The following ADAMTSL3 variants were observed in gnomAD, a reference collection of about 807,000 sequenced individuals.
The protein encoded by ADAMTSL3 is ADAMTS like 3.
ADAMTSL3 carries 128 observed loss-of-function variants against 201.7 expected under a neutral mutation model. The ratio of observed to expected loss-of-function variants is 0.63; its 90% CI spans 0.55 to 0.73. ADAMTSL3 has a LOEUF of 0.73. Among genes scored for constraint, ADAMTSL3 ranks in the 30% least tolerant of loss-of-function variants. ADAMTSL3 has a pLI of 0.00. For missense variants in ADAMTSL3, 1,990 were observed against 2,119.6 expected, an observed-to-expected ratio of 0.94 and a Z score of 1.20; for synonymous variants, 738 against 748.4, an observed-to-expected ratio of 0.99 and a Z score of 0.23.
chr15:83,919,900 A>G (rs1019735428), intron 16 of ADAMTSL3, among the ~76,000 whole-genome samples: 9 of 152,264 alleles, frequency 5.9e-5, no homozygotes, highest in African/African-American at 2.2e-4. Context: ...ATATGAGAGT[A>G]GGTAGGTTTG....
intron 28 of ADAMTSL3, among the ~76,000 whole-genome samples, chr15:84,036,316 A>T (rs1026813773): frequency 6.6e-6 from 1 of 152,242 alleles, no homozygotes; most frequent in Admixed American, 6.5e-5. Flanking sequence ...TTCTTTTAGC[A>T]GACAAGGTTG....
At chr15:83,888,782 C>T (rs370583271) in intron 10 of ADAMTSL3, among the ~76,000 whole-genome samples, 94 of 152,290 alleles carry the variant, frequency 6.2e-4, no homozygotes, top group African/African-American at 2.0e-3. Context: ...CTTGCGGTTT[C>T]GACCTTGCTT....
At chr15:83,922,098 A>G (rs1266819741) in intron 16 of ADAMTSL3, among the ~76,000 whole-genome samples, 1 of 152,204 alleles carries the variant, frequency 6.6e-6, no homozygotes, top group East Asian at 1.9e-4. Flanking sequence ...AGATGAGGTA[A>G]ACTTATTTTT....
chr15:83,835,690 G>A (rs759140277), intron 6 of ADAMTSL3, among the ~76,000 whole-genome samples: 56 of 152,220 alleles, frequency 3.7e-4, no homozygotes, highest in Admixed American at 2.3e-3. Flanking sequence ...GGAGAAAGTT[G>A]CATGAACACA....
At chr15:83,669,141 A>G (rs1340086821) in intron 2 of ADAMTSL3, among the ~76,000 whole-genome samples, 1 of 151,934 alleles carries the variant, frequency 6.6e-6, no homozygotes, top group Admixed American at 6.6e-5. Context: ...GTGTTGGAGG[A>G]GTGAGTATTT....
chr15:83,856,126 A>G (rs1417771676), intron 7 of ADAMTSL3, among the ~76,000 whole-genome samples: 2 of 151,942 alleles, frequency 1.3e-5, no homozygotes, highest in Non-Finnish European at 2.9e-5. Flanking sequence ...CCTCCTTAAA[A>G]TGACTGATGC....
chr15:83,923,097 C>T (rs2066178090), intron 16 of ADAMTSL3, among the ~76,000 whole-genome samples: 1 of 152,008 alleles, frequency 6.6e-6, no homozygotes, highest in African/African-American at 2.4e-5. Flanking sequence ...CATATTTTCA[C>T]AAGGAGCAGT....
chr15:84,016,809 A>T (rs2068094826), intron 25 of ADAMTSL3, among the ~76,000 whole-genome samples: 1 of 152,214 alleles, frequency 6.6e-6, no homozygotes, highest in Non-Finnish European at 1.5e-5. Context: ...AAATATTAAT[A>T]GATATTAATA....
intron 7 of ADAMTSL3, among the ~76,000 whole-genome samples, chr15:83,851,290 T>C (rs2064607648): frequency 6.6e-6 from 1 of 152,172 alleles, no homozygotes; most frequent in Non-Finnish European, 1.5e-5. Context: ...CAGTGTGCTT[T>C]CTCTCCAAGA....
chr15:83,710,303 A>G (rs1896813), intron 3 of ADAMTSL3, among the ~76,000 whole-genome samples: 30,416 of 152,064 alleles, frequency 0.2, 3,978 homozygotes, highest in Middle Eastern at 0.36. Context: ...AGAGGATTTG[A>G]GATTTTTTTC....
At chr15:83,893,492 T>G (rs2065551316) in intron 13 of ADAMTSL3, among the ~76,000 whole-genome samples, 1 of 152,138 alleles carries the variant, frequency 6.6e-6, no homozygotes, top group Non-Finnish European at 1.5e-5. Flanking sequence ...ATTGGGAGAT[T>G]AAGTTGGAAA....
intron 7 of ADAMTSL3, among the ~76,000 whole-genome samples, chr15:83,852,680 G>T (rs1223501238): frequency 1.3e-5 from 2 of 151,916 alleles, no homozygotes; most frequent in African/African-American, 4.8e-5. Context: ...TTACTGATTT[G>T]TAAACACTCT....
chr15:83,864,923 A>T (rs977908745), intron 8 of ADAMTSL3, among the ~76,000 whole-genome samples: 2 of 152,216 alleles, frequency 1.3e-5, no homozygotes, highest in Non-Finnish European at 1.5e-5. Flanking sequence ...AAGTCTCAGG[A>T]TACAAAATCA....
At chr15:83,664,211 A>G (rs2061216770) in intron 2 of ADAMTSL3, among the ~76,000 whole-genome samples, 1 of 152,218 alleles carries the variant, frequency 6.6e-6, no homozygotes, top group Admixed American at 6.5e-5. Flanking sequence ...AACATTAAAA[A>G]TAAACACAAT....
At chr15:83,852,301 A>G (rs2064633115) in intron 7 of ADAMTSL3, among the ~76,000 whole-genome samples, 1 of 152,028 alleles carries the variant, frequency 6.6e-6, no homozygotes, top group Non-Finnish European at 1.5e-5. Flanking sequence ...TTTAGTAGAG[A>G]CAGGGTTTCA....
chr15:83,832,026 C>G (rs1028038658), intron 6 of ADAMTSL3, among the ~76,000 whole-genome samples: 2 of 152,048 alleles, frequency 1.3e-5, no homozygotes, highest in East Asian at 3.9e-4. Context: ...ACAGATTGCT[C>G]GTGGACAAGG....
intron 4 of ADAMTSL3, among the ~76,000 whole-genome samples, chr15:83,780,814 G>T (rs1358194463): frequency 6.6e-6 from 1 of 152,112 alleles, no homozygotes; most frequent in Non-Finnish European, 1.5e-5. Flanking sequence ...TACACCAACA[G>T]TCAAGCCAGG....
At chr15:83,904,166 A>C (rs2065790429) in intron 15 of ADAMTSL3, among the ~76,000 whole-genome samples, 2 of 151,574 alleles carry the variant, frequency 1.3e-5, no homozygotes, top group Non-Finnish European at 1.5e-5. Flanking sequence ...CCCTGGCCCA[A>C]GCAGCTGCCT....
At chr15:83,866,245 A>C (rs1046629456) in intron 8 of ADAMTSL3, among the ~76,000 whole-genome samples, 5 of 152,214 alleles carry the variant, frequency 3.3e-5, no homozygotes, top group African/African-American at 4.8e-5. Flanking sequence ...TTAACCCAGC[A>C]ATCCCATTAC....
Sources: gnomAD v4.1 joint callset for allele counts (sites outside exome capture counted in the v4.1 genomes callset) on GRCh38, gnomAD v4.1.1 for gene constraint, MANE v1.5 for transcripts, NCBI Gene and HGNC (gene_info 2026-07-23, HGNC 2026-07-21) for gene names.